REPS2: variants seen among roughly 807,000 people sequenced by gnomAD.
REPS2 encodes the protein RALBP1 associated Eps domain containing 2, also known as ralBP1-associated Eps domain-containing protein 2.
A neutral mutation model predicts 53.6 loss-of-function variants in REPS2; 23 were observed. The ratio of observed to expected loss-of-function variants is 0.43; its 90% confidence interval spans 0.31 to 0.61. The LOEUF is 0.61. Ranked by LOEUF, REPS2 falls within the 20% of genes least tolerant of loss-of-function variation. The pLI, the probability that REPS2 is intolerant of heterozygous loss-of-function variation, is 0.11. For missense variants in REPS2, 446 were observed against 534.9 expected, an observed-to-expected ratio of 0.83 and a Z score of 1.64; for synonymous variants, 238 against 218.6, an observed-to-expected ratio of 1.09 and a Z score of -0.78.
chrX:17,188,703 A>G, the REPS2 span, among the ~76,000 whole-genome samples: 1 of 112,047 alleles, frequency 8.9e-6, no homozygotes, highest in Non-Finnish European at 1.9e-5. Flanking sequence ...CTGAAACTAA[A>G]ATTTAAGGGT....
the REPS2 span, among the ~76,000 whole-genome samples, chrX:17,179,101 A>G: frequency 1.8e-5 from 2 of 111,605 alleles, no homozygotes. Context: ...TTCATCACTT[A>G]CTAGCTCTGT....
the REPS2 span, among the ~76,000 whole-genome samples, chrX:17,172,089 C>T: frequency 1.4e-3 from 158 of 111,763 alleles, no homozygotes; most frequent in South Asian, 5.2e-3. Flanking sequence ...GATGAGGAAA[C>T]AGATATACAA....
intron 15 of REPS2, among the ~76,000 whole-genome samples, chrX:17,134,613 G>GT (rs369534061): frequency 1.6e-3 from 171 of 109,628 alleles, no homozygotes; most frequent in African/African-American, 3.3e-3. Flanking sequence ...CAAAGCTTAG[G>GT]TTTTTTTTTG....
the REPS2 span, among the ~76,000 whole-genome samples, chrX:17,188,684 C>T: frequency 8.9e-6 from 1 of 112,072 alleles, no homozygotes; most frequent in East Asian, 2.8e-4. Flanking sequence ...AGTTTGTAGG[C>T]CTTGTTCACT....
At chrX:16,953,100 AACACACACACACACAC>A (rs68090119) in intron 1 of REPS2, among the ~76,000 whole-genome samples, 25,738 of 96,869 alleles carry the variant, frequency 0.27, 2,782 homozygotes, top group East Asian at 0.46. Flanking sequence ...CCAAAAAACA[AACACACACACACACAC>A]ACACACACAC....
intron 3 of REPS2, among the ~76,000 whole-genome samples, chrX:17,022,812 A>T (rs1053405821): frequency 8.9e-6 from 1 of 112,245 alleles, no homozygotes; most frequent in Non-Finnish European, 1.9e-5. Context: ...TTTCACCAGG[A>T]AATTCTTTCT....
intron 1 of REPS2, among the ~76,000 whole-genome samples, chrX:16,987,749 C>T (rs977074812): frequency 3.6e-5 from 4 of 112,389 alleles, no homozygotes; most frequent in African/African-American, 9.7e-5. Context: ...AATTTATTTA[C>T]AGAAACAGAC....
rs60541913 is a variant in REPS2 at position 17,011,057 on chromosome X, C to CTGTGTG, written c.397+4751_397+4756dup. 2.8e-3 allele frequency among the ~76,000 whole-genome samples: 282 copies of CTGTGTG among 102,544 alleles called. 1 individual carries two copies. Among genetic ancestry groups the CTGTGTG allele is most frequent in the African/African-American group, 4.8e-3 (133 of 27,715 alleles). The allele number at this position is 102,544 out of a possible 115,157, so 89.0% of individuals were successfully genotyped here. A position where few individuals can be genotyped will look rare whatever the true frequency, so the allele number is the denominator to read the frequency against. On this transcript the variant is annotated intron_variant, in intron 2 of 17. Coordinates refer to ENST00000357277, the MANE Select transcript of REPS2 (RefSeq NM_004726.3). Reference sequence around the variant, plus strand: ...AGCATTTTTAAGAGCTTTGCTTAAACTGTGTGTGTGTGTGTGTGTGTGTGT... The same window carrying CTGTGTG: ...AGCATTTTTAAGAGCTTTGCTTAAACTGTGTGTGTGTGTGTGTGTGTGTGTGTGTGT...
chrX:17,127,498 A>G (rs1353174283), intron 14 of REPS2, among the ~76,000 whole-genome samples: 1 of 111,983 alleles, frequency 8.9e-6, no homozygotes, highest in Non-Finnish European at 1.9e-5. Flanking sequence ...TACTTAAGAA[A>G]AGGAGTAGAT....
intron 13 of REPS2, among the ~76,000 whole-genome samples, chrX:17,099,382 C>T: frequency 9.0e-6 from 1 of 111,256 alleles, no homozygotes; most frequent in Non-Finnish European, 1.9e-5. Flanking sequence ...TACACATTTG[C>T]TACGCTGTAA....
Position 17,148,321 on chromosome X carries a change from C to T in REPS2, c.*840C>T, listed in dbSNP as rs776917028. On this transcript the variant is annotated 3_prime_UTR_variant, in exon 18 of 18. Transcript: ENST00000357277. Reference sequence around the variant, plus strand: ...TTTTATCCTGCATGGGATAATATATCTGTAAATGCATGAGTTTGGAAACCA... The same window carrying T: ...TTTTATCCTGCATGGGATAATATATTTGTAAATGCATGAGTTTGGAAACCA... 3 of 112,352 alleles carry T rather than the reference C, an allele frequency of 2.7e-5. No homozygotes were observed. The highest frequency in any genetic ancestry group is 1.9e-4 in the Admixed American group (2 of 10,595). 9.3% of individuals were successfully genotyped at this position (112,352 alleles called of 1,213,427 possible).
chrX:17,055,927 A>G (rs2062063152), intron 8 of REPS2, among the ~76,000 whole-genome samples: 1 of 105,171 alleles, frequency 9.5e-6, no homozygotes, highest in African/African-American at 3.5e-5. Flanking sequence ...AGCATGGCAC[A>G]TGTATACATA....
chrX:16,977,439 A>C (rs1299491546), intron 1 of REPS2, among the ~76,000 whole-genome samples: 1 of 110,994 alleles, frequency 9.0e-6, no homozygotes, highest in African/African-American at 3.3e-5. Context: ...ACATGGCTGG[A>C]TGCGATCACT....
chrX:17,160,090 T>G, the REPS2 span, among the ~76,000 whole-genome samples: 1 of 112,905 alleles, frequency 8.9e-6, no homozygotes, highest in Non-Finnish European at 1.9e-5. Flanking sequence ...TTACCAGAAT[T>G]GTGTCCCACA....
intron 13 of REPS2, among the ~76,000 whole-genome samples, chrX:17,090,914 G>A (rs748412222): frequency 5.5e-4 from 62 of 111,776 alleles, no homozygotes; most frequent in African/African-American, 2.0e-3. Context: ...TAAGGTGTGA[G>A]GTAAGGATCT....
At chrX:17,042,579 C>T (rs1213735483) in intron 5 of REPS2, among the ~76,000 whole-genome samples, 1 of 111,101 alleles carries the variant, frequency 9.0e-6, no homozygotes, top group Non-Finnish European at 1.9e-5. Flanking sequence ...AGTGTTTCCA[C>T]ATCTCTTGCA....
intron 8 of REPS2, among the ~76,000 whole-genome samples, chrX:17,056,790 T>C (rs2062078042): frequency 8.9e-6 from 1 of 112,157 alleles, no homozygotes; most frequent in Non-Finnish European, 1.9e-5. Flanking sequence ...TATACACCCA[T>C]GTAACTACAA....
the REPS2 span, among the ~76,000 whole-genome samples, chrX:17,172,491 G>A: frequency 3.6e-5 from 4 of 111,616 alleles, no homozygotes; most frequent in Non-Finnish European, 7.5e-5. Flanking sequence ...GTTTCCTAAG[G>A]CCTCCTAGCC....
chrX:17,095,828 T>C (rs73189122), intron 13 of REPS2, among the ~76,000 whole-genome samples: 10,050 of 110,980 alleles, frequency 0.091, 388 homozygotes, highest in East Asian at 0.17. Flanking sequence ...TACCCCTACA[T>C]TCAGAGGTGT....
Sources: allele counts gnomAD v4.1 joint callset (sites outside exome capture counted in the v4.1 genomes callset), GRCh38; gene constraint gnomAD v4.1.1; transcripts MANE v1.5; gene names NCBI Gene and HGNC (gene_info 2026-07-23, HGNC 2026-07-21).